Variants in F3 observed in about 807,000 individuals in gnomAD.
F3 encodes the protein coagulation factor III, tissue factor, also known as tissue factor.
A neutral mutation model predicts 33.5 loss-of-function variants in F3; 18 were observed. That is an observed-to-expected ratio of 0.54 (90% CI 0.37 to 0.80). The LOEUF is 0.80. Among genes scored for constraint, F3 ranks in the 30% least tolerant of loss-of-function variants. F3 has a pLI of 0.00. For synonymous variants in F3, 147 were observed against 140.7 expected (o/e 1.05, Z -0.32); for missense variants, 353 against 362.1 (o/e 0.97, Z 0.20).
chr1:94,530,607 A>C lies in F3; in HGVS notation c.752-11T>G, dbSNP rs745646662. 1 of 1,613,432 alleles carries C rather than the reference A, an allele frequency of 6.2e-7. No individual in the cohort carries two copies. The highest frequency in any genetic ancestry group is 8.5e-7 in the Non-Finnish European group (1 of 1,179,984). On this transcript the variant is annotated splice_polypyrimidine_tract_variant and intron_variant, in intron 5 of 5. Transcript: ENST00000334047. ...TGATGTAGAATATTTCTGAAAAATA[A>C]AGGGCATCTAGTCAACTTGGAGAGC...
rs138675137 is a variant in F3 at position 94,530,502 on chromosome 1, C to A, written c.846G>T (p.Val282=). The change falls in exon 6 of 6, where the codon GTG becomes GTT. Residue 282 remains valine, a synonymous_variant. Coordinates refer to ENST00000334047, the MANE Select transcript of F3 (RefSeq NM_001993.5). The stretch of plus-strand genomic sequence containing the variant: ...GGGAGTTCTCCTTCCAGCTCTGCCC[C>A]ACTCCTGCCTTTCTACACTTGTGTA... ...ISLHKCRKAG[V]GQSWKENSPL... 1.2e-5 allele frequency: 19 copies of A among 1,614,002 alleles called. No homozygotes were observed. In the African/African-American group the frequency reaches 1.9e-4, roughly 16 times the overall value.
At chr1:94,539,023 T>A (rs1043333300) in intron 2 of F3, among the ~76,000 whole-genome samples, 5 of 152,232 alleles carry the variant, frequency 3.3e-5, no homozygotes, top group East Asian at 1.9e-4. Context: ...TATATTCCCA[T>A]GTGTCCCTCA....
intron 3 of F3, among the ~76,000 whole-genome samples, chr1:94,534,157 A>G (rs999162851): frequency 5.3e-5 from 8 of 152,168 alleles, no homozygotes; most frequent in African/African-American, 1.9e-4. Flanking sequence ...ACGAGCCACC[A>G]TGCCCAGCCT....
chr1:94,539,204 A>T (rs1368365354), intron 2 of F3, among the ~76,000 whole-genome samples: 1 of 152,144 alleles, frequency 6.6e-6, no homozygotes, highest in Non-Finnish European at 1.5e-5. Flanking sequence ...AACTGTAATC[A>T]TTATTTCATG....
intron 2 of F3, 76 bp downstream of exon 2, chr1:94,540,181 T>G: frequency 1.1e-6 from 1 of 950,898 alleles, no homozygotes. Context: ...GTAATCAGCT[T>G]TAAAGACATT....
chr1:94,541,664 G>A lies in F3; in HGVS notation c.-28C>T. ...CTACCAGTTGGCGGCGAGATCGAGCGGGTTCCGTGGCGCCCGTGGGGCTGG... is the reference window on the plus strand; with the variant it reads ...CTACCAGTTGGCGGCGAGATCGAGCAGGTTCCGTGGCGCCCGTGGGGCTGG... On this transcript the variant is annotated 5_prime_UTR_variant, in exon 1 of 6. Coordinates refer to ENST00000334047, the MANE Select transcript of F3 (RefSeq NM_001993.5). 3.7e-6 allele frequency: 5 copies of A among 1,360,680 alleles called. No individual in the cohort carries two copies. The highest frequency in any genetic ancestry group is 4.8e-6 in the Non-Finnish European group (5 of 1,043,930). 84.3% of individuals were successfully genotyped at this position (1,360,680 alleles called of 1,614,324 possible).
chr1:94,533,704 TTCC>T (rs750476033), intron 3 of F3, among the ~76,000 whole-genome samples: 37 of 151,532 alleles, frequency 2.4e-4, no homozygotes, highest in South Asian at 2.1e-3. Flanking sequence ...GCCCCTGCTC[TTCC>T]TCCTCCTCCT....
In F3 at chr1:94,541,551, A is replaced by T. The variant is rs1651778377; in HGVS notation, c.86T>A (p.Val29Glu). 1 of 1,499,542 alleles carries T rather than the reference A, an allele frequency of 6.7e-7. No homozygotes were observed. The highest frequency in any genetic ancestry group is 8.9e-7 in the Non-Finnish European group (1 of 1,125,566). 92.9% of individuals were successfully genotyped at this position (1,499,542 alleles called of 1,614,324 possible). A position where few individuals can be genotyped will look rare whatever the true frequency, so the allele number is the denominator to read the frequency against. Residue 29 changes from valine to glutamate, a missense_variant, in exon 1 of 6, where the codon GTG (valine) becomes GAG (glutamate). Val to Glu is a moderately radical substitution (Grantham distance 121). Transcript: ENST00000334047. The stretch of plus-strand genomic sequence containing the variant: ...GTGCCACTCACCTGAAGCGCCGGCC[A>T]CCTGGGCGAAGACCCAGCCGAGCAG... ...TLLLGWVFAQ[V>E]AGASGTTNTV...
In F3 at chr1:94,532,416, A is replaced by G; in HGVS notation, c.656T>C (p.Phe219Ser). The stretch of plus-strand genomic sequence containing the variant: ...GGAGGGAATCACTGCTTGAACACTG[A>G]AACAGTAGTTTTCTCCTTTATCCAC... ...IDVDKGENYC[F>S]SVQAVIPSRT... The change falls in exon 5 of 6, where the codon TTC becomes TCC. Residue 219 changes from phenylalanine to serine, a missense_variant. Physicochemically the swap from Phe to Ser is radical, Grantham distance 155. Transcript: ENST00000334047. 6.2e-7 allele frequency: 1 copy of G among 1,614,150 alleles called. No homozygotes were observed. The highest frequency in any genetic ancestry group is 2.2e-5 in the East Asian group (1 of 44,864).
Position 94,530,360 on chromosome 1 carries a change from G to A in F3, c.*100C>T. The A allele has an allele frequency of 6.7e-7, 1 of 1,482,096 alleles. No individual in the cohort carries two copies. The highest frequency in any genetic ancestry group is 1.3e-5 in the South Asian group (1 of 79,016). The allele number at this position is 1,482,096 out of a possible 1,614,324, so 91.8% of individuals were successfully genotyped here. ...GTTTTTTGAACTCCAGGGTCTTCAT[G>A]CTCCGAAATACTCATTTGCGTTTCC... On this transcript the variant is annotated 3_prime_UTR_variant, in exon 6 of 6. Transcript: ENST00000334047.
chr1:94,531,262 C>T (rs1377752816), intron 5 of F3, among the ~76,000 whole-genome samples: 1 of 150,970 alleles, frequency 6.6e-6, no homozygotes, highest in African/African-American at 2.4e-5. Flanking sequence ...CAAATATCAT[C>T]TTCACATGGA....
At position 94,540,460 on chromosome 1, in the gene F3, A is replaced by AT. The variant is rs1343171357; in HGVS notation, c.101-93dup. On this transcript the variant is annotated intron_variant, in intron 1 of 5. Transcript: ENST00000334047. ...AAACACCTTCCCACCTGACATCACC[A>AT]TAAACCTCACTTTTTATTTTTCAAC... 1.4e-5 allele frequency: 10 copies of AT among 703,668 alleles called. No individual in the cohort carries two copies. The East Asian group carries it at 2.5e-4, about 17-fold the overall frequency. The allele number at this position is 703,668 out of a possible 1,614,324, so 43.6% of individuals were successfully genotyped here.
At position 94,541,543 on chromosome 1, in the gene F3, C is replaced by A; in HGVS notation, c.94G>T (p.Ala32Ser). 4 of 1,494,082 alleles carry A rather than the reference C, an allele frequency of 2.7e-6. No homozygotes were observed. Among genetic ancestry groups the A allele is most frequent in the Non-Finnish European group, 2.7e-6 (3 of 1,123,062 alleles). 92.6% of individuals were successfully genotyped at this position (1,494,082 alleles called of 1,614,324 possible). The change falls in exon 1 of 6, where the codon GCT (alanine) becomes TCT (serine). Residue 32 changes from alanine to serine, a missense_variant. Physicochemically the swap from Ala to Ser is moderately conservative, Grantham distance 99 (BLOSUM62 1). Transcript: ENST00000334047. ...LGWVFAQVAG[A>S]SGTTNTVAAY... ...AGGGGCTGGTGCCACTCACCTGAAG[C>A]GCCGGCCACCTGGGCGAAGACCCAG...
intron 2 of F3, among the ~76,000 whole-genome samples, chr1:94,538,762 G>C (rs964078638): frequency 1.3e-5 from 2 of 152,112 alleles, no homozygotes; most frequent in Admixed American, 1.3e-4. Context: ...TTTATTCCTG[G>C]GGTGGGCAGG....
intron 4 of F3, 87 bp downstream of exon 4, chr1:94,533,003 A>G (rs610277): frequency 0.04 from 53,836 of 1,358,838 alleles, 1,439 homozygotes; most frequent in East Asian, 0.14. Context: ...CTGTTCTGCT[A>G]TTTTTGAATT....
chr1:94,536,316 T>G (rs1164018643), intron 2 of F3, 152 bp from the exon 3 acceptor site: 6 of 695,356 alleles, frequency 8.6e-6, no homozygotes, highest in Non-Finnish European at 1.5e-5. Flanking sequence ...GCACTTTGCT[T>G]TTTTTTAAAC....
intron 2 of F3, among the ~76,000 whole-genome samples, chr1:94,538,795 G>A (rs967181595): frequency 1.3e-5 from 2 of 152,130 alleles, no homozygotes; most frequent in African/African-American, 4.8e-5. Flanking sequence ...ACCTCAGGCC[G>A]AGGCTGATGG....
intron 2 of F3, among the ~76,000 whole-genome samples, chr1:94,537,899 G>C (rs1054186008): frequency 6.6e-6 from 1 of 152,114 alleles, no homozygotes; most frequent in Non-Finnish European, 1.5e-5. Flanking sequence ...TATCAGTACA[G>C]CAAATAGTTG....
Position 94,541,576 on chromosome 1 carries a change from G to T in F3, c.61C>A (p.Leu21Met). The T allele has an allele frequency of 6.7e-7, 1 of 1,490,908 alleles. No homozygotes were observed. Among genetic ancestry groups the T allele is most frequent in the Non-Finnish European group, 8.9e-7 (1 of 1,118,236 alleles). 92.4% of individuals were successfully genotyped at this position (1,490,908 alleles called of 1,614,324 possible). The change falls in exon 1 of 6, where the codon CTG becomes ATG. Residue 21 changes from leucine to methionine, a missense_variant. Transcript: ENST00000334047. ...ACCTGGGCGAAGACCCAGCCGAGCA[G>T]GAGCGTCCGAGCGACGGCGGTCTCG... Reference protein sequence around the residue: ...RPETAVARTLLLGWVFAQVAG... With the variant: ...RPETAVARTLMLGWVFAQVAG...
Sources: gnomAD v4.1 joint callset for allele counts (sites outside exome capture counted in the v4.1 genomes callset) on GRCh38, gnomAD v4.1.1 for gene constraint, MANE v1.5 for transcripts, NCBI Gene and HGNC (gene_info 2026-07-23, HGNC 2026-07-21) for gene names.